Variants in NTN1 observed in about 807,000 individuals in gnomAD.
NTN1 encodes netrin-1.
A neutral mutation model predicts 54.2 loss-of-function variants in NTN1; 11 were observed. That is an observed-to-expected ratio of 0.20 (90% CI 0.13 to 0.34). The LOEUF (loss-of-function observed/expected upper bound fraction) is 0.34. NTN1 is among the 10% of genes least tolerant of loss of function. The pLI is 1.00. For missense variants in NTN1, 740 were observed against 893.1 expected (o/e 0.83, Z 2.18); for synonymous variants, 371 against 382.0 (o/e 0.97, Z 0.33).
In NTN1 at chr17:9,059,919, G is replaced by A. The variant is rs184610427; in HGVS notation, c.1018+36528G>A. ...GGGCCACGTATGGCTAAGTGAGCAT[G>A]TTTCGGAGCACTGGGGCCCAGGGAG... On this transcript the variant is annotated intron_variant, in intron 2 of 6. Coordinates refer to ENST00000173229, the MANE Select transcript of NTN1 (RefSeq NM_004822.3). Among the ~76,000 whole-genome samples, 3 of 152,086 alleles carry A rather than the reference G, an allele frequency of 2.0e-5. No individual in the cohort carries two copies. The East Asian group carries it at 5.8e-4, about 29-fold the overall frequency.
At chr17:9,096,557 G>C (rs1012562737) in intron 2 of NTN1, among the ~76,000 whole-genome samples, 1 of 151,922 alleles carries the variant, frequency 6.6e-6, no homozygotes, top group Non-Finnish European at 1.5e-5. Flanking sequence ...ATTTTTAGTA[G>C]AGACGGGGTT....
At chr17:9,121,807 C>T (rs946258628) in intron 2 of NTN1, among the ~76,000 whole-genome samples, 1 of 152,126 alleles carries the variant, frequency 6.6e-6, no homozygotes, top group Non-Finnish European at 1.5e-5. Flanking sequence ...AAAAGAGCCT[C>T]CCCACACACG....
rs1047611163 is a variant in NTN1, at chr17:9,243,369, T to G, written c.*3401T>G. On this transcript the variant is annotated 3_prime_UTR_variant, in exon 7 of 7. Transcript: ENST00000173229. Reference sequence around the variant, plus strand: ...ATGCTGGAGAGGGGTACGGACTTACTTTCTTGGAGTTGTCCCAGGTTGGAA... The same window carrying G: ...ATGCTGGAGAGGGGTACGGACTTACGTTCTTGGAGTTGTCCCAGGTTGGAA... 2 of 152,278 alleles carry G rather than the reference T, an allele frequency of 1.3e-5. No homozygotes were observed. The highest frequency in any genetic ancestry group is 2.1e-4 in the South Asian group (1 of 4,834). 9.4% of individuals were successfully genotyped at this position (152,278 alleles called of 1,614,324 possible). A position where few individuals can be genotyped will look rare whatever the true frequency, so the allele number is the denominator to read the frequency against.
At chr17:9,183,596 A>C (rs1166136829) in intron 5 of NTN1, 3 of 274,204 alleles carry the variant, frequency 1.1e-5, no homozygotes, top group Non-Finnish European at 2.2e-5. Flanking sequence ...TTGCTTCTCA[A>C]AACGACAGAA....
intron 2 of NTN1, among the ~76,000 whole-genome samples, chr17:9,145,332 T>C (rs112146250): frequency 3.7e-4 from 57 of 152,260 alleles, no homozygotes; most frequent in Middle Eastern, 6.8e-3. Flanking sequence ...AAAAACATTT[T>C]CAAAGACTAC....
chr17:9,093,084 G>A (rs2092118336), intron 2 of NTN1, among the ~76,000 whole-genome samples: 1 of 152,110 alleles, frequency 6.6e-6, no homozygotes, highest in South Asian at 2.1e-4. Flanking sequence ...GTAGAGATGG[G>A]GTTTTGCCAT....
intron 2 of NTN1, among the ~76,000 whole-genome samples, chr17:9,103,997 G>A (rs1400307735): frequency 1.4e-5 from 2 of 143,044 alleles, no homozygotes; most frequent in African/African-American, 5.2e-5. Context: ...GCTGAGGCAC[G>A]AGAATCACTT....
At chr17:9,057,320 A>G (rs190805969) in intron 2 of NTN1, among the ~76,000 whole-genome samples, 39 of 152,302 alleles carry the variant, frequency 2.6e-4, no homozygotes, top group African/African-American at 9.4e-4. Context: ...CAATTGGGGT[A>G]TGTTGGCTGA....
upstream of NTN1, among the ~76,000 whole-genome samples, chr17:9,019,755 C>A (rs1357421880): frequency 6.6e-6 from 1 of 152,220 alleles, no homozygotes; most frequent in Non-Finnish European, 1.5e-5. Context: ...GCTATGCTGC[C>A]TTTCAGTATA....
chr17:9,012,536 C>A, the NTN1 span, among the ~76,000 whole-genome samples: 57 of 132,802 alleles, frequency 4.3e-4, no homozygotes, highest in East Asian at 2.0e-3. Flanking sequence ...AAAAACAAAA[C>A]AAAAAAAAAA....
chr17:9,221,087 C>A lies in NTN1; in HGVS notation c.1412-81C>A. ...ACAGGCCTCTGGCTATTTAGGGAGG[C>A]GGCCTCCTACTCTGCCCGCCAGCCT... On this transcript the variant is annotated intron_variant, in intron 5 of 6. Transcript: ENST00000173229. This position sits in a 1 kb window ranked among gnomAD's most constrained non-coding sequence, Gnocchi z 4.5. The A allele has an allele frequency of 3.0e-6, 3 of 1,015,224 alleles. No individual in the cohort carries two copies. The East Asian group carries it at 7.1e-5, about 24-fold the overall frequency. The allele number at this position is 1,015,224 out of a possible 1,614,324, so 62.9% of individuals were successfully genotyped here.
At chr17:9,147,778 G>T (rs560696694) in intron 2 of NTN1, among the ~76,000 whole-genome samples, 1 of 152,272 alleles carries the variant, frequency 6.6e-6, no homozygotes, top group South Asian at 2.1e-4. Flanking sequence ...CTTATCCTCT[G>T]TTTGATGGTA....
intron 2 of NTN1, among the ~76,000 whole-genome samples, chr17:9,140,904 A>T (rs2092295722): frequency 6.6e-6 from 1 of 152,110 alleles, no homozygotes; most frequent in African/African-American, 2.4e-5. Flanking sequence ...TTTGGGAGAG[A>T]ATTAAAAGTA....
At chr17:9,132,005 G>A (rs985902948) in intron 2 of NTN1, among the ~76,000 whole-genome samples, 1 of 151,378 alleles carries the variant, frequency 6.6e-6, no homozygotes, top group African/African-American at 2.4e-5. Context: ...GTAGAAACTG[G>A]GTTTCACTGT....
intron 5 of NTN1, among the ~76,000 whole-genome samples, chr17:9,208,072 A>G (rs1451994275): frequency 1.3e-5 from 2 of 152,142 alleles, no homozygotes; most frequent in Non-Finnish European, 2.9e-5. Context: ...TCTCTACCAA[A>G]AATACAAAAA....
At chr17:9,008,009 C>G in the NTN1 span, among the ~76,000 whole-genome samples, 1 of 152,050 alleles carries the variant, frequency 6.6e-6, no homozygotes, top group South Asian at 2.1e-4. Flanking sequence ...CCCCAAAGTA[C>G]TGGAATGGCA....
chr17:9,018,315 G>A (rs1224107715), upstream of NTN1, among the ~76,000 whole-genome samples: 2 of 152,150 alleles, frequency 1.3e-5, no homozygotes, highest in Non-Finnish European at 2.9e-5. Context: ...CAAACTTACT[G>A]CCATGCAAGG....
chr17:9,011,737 G>A, the NTN1 span, among the ~76,000 whole-genome samples: 1 of 152,026 alleles, frequency 6.6e-6, no homozygotes, highest in Non-Finnish European at 1.5e-5. Flanking sequence ...ATACAGGTGC[G>A]CACCACCATG....
chr17:9,187,830 CA>C (rs145501658), intron 5 of NTN1, among the ~76,000 whole-genome samples: 61 of 144,964 alleles, frequency 4.2e-4, no homozygotes, highest in Non-Finnish European at 4.3e-4. Flanking sequence ...GACCACATCT[CA>C]AAAAAAAAAA....
Sources: gnomAD v4.1 joint callset for allele counts (sites outside exome capture counted in the v4.1 genomes callset) on GRCh38, gnomAD v4.1.1 for gene constraint, Gnocchi (gnomAD v3.1) non-coding constraint, MANE v1.5 for transcripts, NCBI Gene and HGNC (gene_info 2026-07-23, HGNC 2026-07-21) for gene names.